GABBR2: variants seen among roughly 807,000 people sequenced by gnomAD.
The protein encoded by GABBR2 is gamma-aminobutyric acid type B receptor subunit 2.
GABBR2 carries 23 observed loss-of-function variants against 105.6 expected under a neutral mutation model. The observed-to-expected ratio is 0.22, with a 90% CI of 0.16 to 0.31. GABBR2 has a LOEUF of 0.31. Ranked by LOEUF, GABBR2 falls within the 10% of genes least tolerant of loss-of-function variation. The pLI, the probability that GABBR2 is intolerant of heterozygous loss-of-function variation, is 1.00. For synonymous variants in GABBR2, 478 were observed against 499.7 expected, an observed-to-expected ratio of 0.96 and a Z score of 0.58; for missense variants, 734 against 1,245.5, an observed-to-expected ratio of 0.59 and a Z score of 6.18.
chr9:98,575,320 T>C (rs1376279376), intron 2 of GABBR2, among the ~76,000 whole-genome samples: 1 of 152,070 alleles, frequency 6.6e-6, no homozygotes, highest in Admixed American at 6.5e-5. Context: ...AAGAATGGGA[T>C]GTTTTGGGTG....
At chr9:98,493,278 G>A (rs1827214853) in intron 4 of GABBR2, among the ~76,000 whole-genome samples, 2 of 152,100 alleles carry the variant, frequency 1.3e-5, no homozygotes, top group Non-Finnish European at 2.9e-5. Context: ...GAATCATCTT[G>A]TCTATTTCCT....
intron 1 of GABBR2, among the ~76,000 whole-genome samples, chr9:98,606,594 C>T (rs991123183): frequency 4.6e-5 from 7 of 151,136 alleles, no homozygotes; most frequent in African/African-American, 1.7e-4. Flanking sequence ...GATTCTCCTG[C>T]CTCAGCCTCC....
chr9:98,438,549 T>C (rs534639822), intron 7 of GABBR2, among the ~76,000 whole-genome samples: 1 of 152,214 alleles, frequency 6.6e-6, no homozygotes, highest in Admixed American at 6.5e-5. Context: ...AAGGAGTTGG[T>C]AGTAGAAGTT....
chr9:98,338,822 T>A (rs2131402722), intron 13 of GABBR2, among the ~76,000 whole-genome samples: 1 of 152,306 alleles, frequency 6.6e-6, no homozygotes, highest in South Asian at 2.1e-4. Context: ...CACACAAAAA[T>A]TTGTGCATGA....
chr9:98,443,987 A>C (rs965600346), intron 7 of GABBR2, among the ~76,000 whole-genome samples: 2 of 152,228 alleles, frequency 1.3e-5, no homozygotes, highest in Non-Finnish European at 2.9e-5. Flanking sequence ...AATTAATTGG[A>C]TACCTAAATG....
At chr9:98,392,457 G>C (rs544023380) in intron 9 of GABBR2, among the ~76,000 whole-genome samples, 42 of 152,274 alleles carry the variant, frequency 2.8e-4, no homozygotes, top group African/African-American at 1.0e-3. Flanking sequence ...GGTAATACTT[G>C]ACGATATGTC....
intron 7 of GABBR2, among the ~76,000 whole-genome samples, chr9:98,437,118 AG>A (rs1825940611): frequency 6.6e-6 from 1 of 152,230 alleles, no homozygotes; most frequent in Non-Finnish European, 1.5e-5. Context: ...ACCTCACATC[AG>A]AAAATGTGGC....
chr9:98,557,406 G>C (rs1355159195), intron 2 of GABBR2, among the ~76,000 whole-genome samples: 1 of 152,222 alleles, frequency 6.6e-6, no homozygotes, highest in Non-Finnish European at 1.5e-5. Context: ...TGAATGCAGA[G>C]GGAGCAAACT....
intron 6 of GABBR2, among the ~76,000 whole-genome samples, chr9:98,469,449 G>C (rs896513167): frequency 6.6e-6 from 1 of 152,130 alleles, no homozygotes; most frequent in African/African-American, 2.4e-5. Flanking sequence ...TGAGAGCCTG[G>C]GTGGAGACAC....
intron 5 of GABBR2, among the ~76,000 whole-genome samples, chr9:98,475,776 A>G (rs1826778945): frequency 6.6e-6 from 1 of 152,226 alleles, no homozygotes; most frequent in African/African-American, 2.4e-5. Flanking sequence ...AAGAATCAGT[A>G]GATACAGAGT....
chr9:98,425,056 C>T (rs1832849656), intron 7 of GABBR2, among the ~76,000 whole-genome samples: 1 of 151,888 alleles, frequency 6.6e-6, no homozygotes, highest in South Asian at 2.1e-4. Flanking sequence ...CAAAAGCACA[C>T]TGCTTAATGA....
intron 3 of GABBR2, among the ~76,000 whole-genome samples, chr9:98,515,398 CT>C (rs1461784490): frequency 6.6e-6 from 1 of 152,280 alleles, no homozygotes; most frequent in African/African-American, 2.4e-5. Flanking sequence ...TTAAAGGACT[CT>C]TTTCTGAGAC....
chr9:98,558,575 G>A lies in GABBR2; in HGVS notation c.460-16532C>T, dbSNP rs4743235. Among the ~76,000 whole-genome samples, 7 of 152,208 alleles carry A rather than the reference G, an allele frequency of 4.6e-5. No individual in the cohort carries two copies. In the East Asian group the frequency reaches 9.6e-4, roughly 21 times the overall value. ...ATGGCTGGCAGGGCTAAACCCATTC[G>A]CTTCTCCACATTGCCTGCTCAGAAT... On this transcript the variant is annotated intron_variant, in intron 2 of 18. Transcript: ENST00000259455.
chr9:98,580,402 T>C (rs1828984541), intron 1 of GABBR2, among the ~76,000 whole-genome samples: 1 of 152,196 alleles, frequency 6.6e-6, no homozygotes, highest in African/African-American at 2.4e-5. Context: ...ATTTCCTAAC[T>C]AGAATGAAAG....
rs144581328 is a variant in GABBR2 at position 98,360,290 on chromosome 9, C to T, written c.1893+2425G>A. Among the ~76,000 whole-genome samples, 204 of 152,306 alleles carry T rather than the reference C, an allele frequency of 1.3e-3. 7 individuals carry two copies. In the East Asian group the frequency reaches 0.018, roughly 13 times the overall value. On this transcript the variant is annotated intron_variant, in intron 13 of 18. Coordinates refer to ENST00000259455, the MANE Select transcript of GABBR2 (RefSeq NM_005458.8). ...CAGAGGAGGGTCTGAGAGAAACCAA[C>T]GGCTTGGTGCTGTTTGTAGAAAAAC...
intron 4 of GABBR2, among the ~76,000 whole-genome samples, chr9:98,492,528 C>A (rs1395685083): frequency 6.6e-6 from 1 of 151,960 alleles, no homozygotes; most frequent in Non-Finnish European, 1.5e-5. Context: ...AGCTAACACC[C>A]ATTCTTTAAT....
rs1459722144 is a variant in GABBR2 at position 98,289,198 on chromosome 9, G to GT, written c.*1385dup. 2.0e-5 allele frequency: 3 copies of GT among 152,438 alleles called. No homozygotes were observed. The highest frequency in any genetic ancestry group is 4.4e-5 in the Non-Finnish European group (3 of 68,098). 9.4% of individuals were successfully genotyped at this position (152,438 alleles called of 1,614,324 possible). A position where few individuals can be genotyped will look rare whatever the true frequency, so the allele number is the denominator to read the frequency against. On this transcript the variant is annotated 3_prime_UTR_variant, in exon 19 of 19. Transcript: ENST00000259455. ...CCTCACGGATCAGGGCGGCTTCACT[G>GT]TTTGGTACAAAGCTTTCCTGGACAA...
chr9:98,425,101 T>C (rs1832850672), intron 7 of GABBR2, among the ~76,000 whole-genome samples: 1 of 151,992 alleles, frequency 6.6e-6, no homozygotes, highest in Non-Finnish European at 1.5e-5. Context: ...ATTATATATA[T>C]AATACATTTA....
chr9:98,350,985 A>T (rs551137804), intron 13 of GABBR2, among the ~76,000 whole-genome samples: 1 of 152,110 alleles, frequency 6.6e-6, no homozygotes, highest in East Asian at 1.9e-4. Context: ...TCATTATGTC[A>T]TGTTCTCCTT....
Sources: allele counts gnomAD v4.1 joint callset (sites outside exome capture counted in the v4.1 genomes callset), GRCh38; gene constraint gnomAD v4.1.1; transcripts MANE v1.5; gene names NCBI Gene and HGNC (gene_info 2026-07-23, HGNC 2026-07-21).